The following NRXN3 variants were observed in gnomAD, a reference collection of about 807,000 sequenced individuals.
NRXN3 encodes the protein neurexin 3, also known as neurexin III.
Under a neutral mutation model 137.6 loss-of-function variants are expected in NRXN3, and 32 were observed. The observed-to-expected ratio is 0.23, with a 90% CI of 0.18 to 0.31. NRXN3 has a LOEUF of 0.31. Among genes scored for constraint, NRXN3 ranks in the 10% least tolerant of loss-of-function variants. The pLI is 1.00. For synonymous variants in NRXN3, 798 were observed against 784.5 expected, an observed-to-expected ratio of 1.02 and a Z score of -0.29; for missense variants, 1,574 against 2,062.5, an observed-to-expected ratio of 0.76 and a Z score of 4.59.
At chr14:78,602,641 C>A (rs2097211554) in intron 4 of NRXN3, among the ~76,000 whole-genome samples, 1 of 152,154 alleles carries the variant, frequency 6.6e-6, no homozygotes, top group Non-Finnish European at 1.5e-5. Flanking sequence ...CTGGTCTGGG[C>A]ATAATGGTCT....
In NRXN3 at chr14:78,757,409, TAAAA is replaced by T. The variant is rs59969129; in HGVS notation, c.2044+42280_2044+42283del. ...GGCGACAGAGAGAGATTCCATCTCTTAAAAAAAAAAAAAGGATTCTGCATGACAA... is the reference window on the plus strand; with the variant it reads ...GGCGACAGAGAGAGATTCCATCTCTTAAAAAAAAAGGATTCTGCATGACAA... On this transcript the variant is annotated intron_variant, in intron 8 of 20. Coordinates refer to ENST00000335750, the MANE Select transcript of NRXN3 (RefSeq NM_001330195.2). 6.5e-5 allele frequency among the ~76,000 whole-genome samples: 9 copies of T among 138,582 alleles called. No individual in the cohort carries two copies. The South Asian group carries it at 1.6e-3, about 25-fold the overall frequency. 90.9% of individuals were successfully genotyped at this position (138,582 alleles called of 152,430 possible).
chr14:78,793,787 A>G (rs1466926129), intron 8 of NRXN3, among the ~76,000 whole-genome samples: 3 of 152,144 alleles, frequency 2.0e-5, no homozygotes, highest in East Asian at 3.9e-4. Flanking sequence ...AGCATGAACT[A>G]TCTAGACCAA....
At chr14:78,653,334 T>TA (rs2097761208) in intron 6 of NRXN3, among the ~76,000 whole-genome samples, 1 of 152,162 alleles carries the variant, frequency 6.6e-6, no homozygotes, top group Non-Finnish European at 1.5e-5. Context: ...TAAACACTGT[T>TA]AAATCACACT....
At chr14:78,255,283 A>G (rs550611785) in intron 2 of NRXN3, among the ~76,000 whole-genome samples, 18 of 152,046 alleles carry the variant, frequency 1.2e-4, no homozygotes, top group Admixed American at 3.3e-4. Flanking sequence ...AAATGGAATG[A>G]GAGTCACCAA....
intron 6 of NRXN3, among the ~76,000 whole-genome samples, chr14:78,678,429 A>G (rs930276482): frequency 2.0e-5 from 3 of 151,480 alleles, no homozygotes; most frequent in Non-Finnish European, 4.4e-5. Context: ...AGCTAAAATT[A>G]TCTCCCACCA....
At chr14:78,967,106 A>G in intron 12 of NRXN3, 102 bp from the exon 13 acceptor site, 1 of 913,518 alleles carries the variant, frequency 1.1e-6, no homozygotes, top group Middle Eastern at 3.3e-4. Flanking sequence ...ATGCCAGTTT[A>G]GCATGGGGGA....
At chr14:79,092,071 T>A (rs1388429714) in intron 15 of NRXN3, among the ~76,000 whole-genome samples, 1 of 152,178 alleles carries the variant, frequency 6.6e-6, no homozygotes, top group Non-Finnish European at 1.5e-5. Context: ...ATTTTCTCTA[T>A]CTTAAGGTTG....
intron 15 of NRXN3, among the ~76,000 whole-genome samples, chr14:79,381,779 G>C (rs192581308): frequency 1.8e-4 from 28 of 152,236 alleles, no homozygotes; most frequent in Admixed American, 7.9e-4. Flanking sequence ...AATGAGGCAC[G>C]ATTCCATGAA....
At chr14:79,211,691 G>A (rs1045139255) in intron 15 of NRXN3, among the ~76,000 whole-genome samples, 5 of 152,060 alleles carry the variant, frequency 3.3e-5, no homozygotes, top group African/African-American at 1.2e-4. Flanking sequence ...CAATAATTGA[G>A]ACTTAATGTT....
chr14:78,905,376 C>T (rs1353806066), intron 10 of NRXN3, among the ~76,000 whole-genome samples: 1 of 152,106 alleles, frequency 6.6e-6, no homozygotes, highest in Non-Finnish European at 1.5e-5. Context: ...TAGGAACATA[C>T]TTTGTCATCC....
chr14:78,888,848 TAC>T (rs59053009), intron 10 of NRXN3, among the ~76,000 whole-genome samples: 38,814 of 145,950 alleles, frequency 0.27, 6,154 homozygotes, highest in African/African-American at 0.46. Context: ...ATCACACACA[TAC>T]ACACACACAC....
chr14:78,529,483 C>A (rs1162674540), intron 4 of NRXN3, among the ~76,000 whole-genome samples: 1 of 152,118 alleles, frequency 6.6e-6, no homozygotes, highest in Non-Finnish European at 1.5e-5. Context: ...CTCGGACACC[C>A]TTTTGATTTC....
At chr14:79,402,435 A>G (rs931983451) in intron 15 of NRXN3, among the ~76,000 whole-genome samples, 1 of 152,206 alleles carries the variant, frequency 6.6e-6, no homozygotes, top group Non-Finnish European at 1.5e-5. Context: ...AAATCACATA[A>G]TTGGGGACAA....
chr14:79,462,890 G>GTA (rs568540345), intron 15 of NRXN3, among the ~76,000 whole-genome samples: 6 of 22,814 alleles, frequency 2.6e-4, no homozygotes, highest in Admixed American at 1.2e-3. Flanking sequence ...ATACACATAT[G>GTA]TATGTATATG....
chr14:78,237,418 T>G (rs1335982349), intron 1 of NRXN3, among the ~76,000 whole-genome samples: 1 of 152,232 alleles, frequency 6.6e-6, no homozygotes, highest in African/African-American at 2.4e-5. Context: ...TATCTATTTC[T>G]TGGCTCTGAT....
At chr14:79,728,939 C>G (rs945181805) in intron 19 of NRXN3, among the ~76,000 whole-genome samples, 3 of 152,120 alleles carry the variant, frequency 2.0e-5, no homozygotes, top group African/African-American at 7.2e-5. Flanking sequence ...TGATTGAACA[C>G]CTACTATGTG....
At chr14:79,472,755 G>C (rs964297743) in intron 16 of NRXN3, among the ~76,000 whole-genome samples, 1 of 151,992 alleles carries the variant, frequency 6.6e-6, no homozygotes, top group Non-Finnish European at 1.5e-5. Context: ...TTTAAGGAGC[G>C]GTGTCATGTT....
chr14:79,767,898 C>T (rs956070450), intron 19 of NRXN3, among the ~76,000 whole-genome samples: 4 of 152,184 alleles, frequency 2.6e-5, no homozygotes, highest in South Asian at 2.1e-4. Flanking sequence ...ACAGTGGGCG[C>T]AGGTCACTGG....
At chr14:78,187,632 G>T (rs956477998) in intron 1 of NRXN3, among the ~76,000 whole-genome samples, 2 of 152,182 alleles carry the variant, frequency 1.3e-5, no homozygotes, top group Admixed American at 1.3e-4. Flanking sequence ...CTAATAGGAA[G>T]TCTTCGCTTC....
Sources: allele counts gnomAD v4.1 joint callset (sites outside exome capture counted in the v4.1 genomes callset), GRCh38; gene constraint gnomAD v4.1.1; transcripts MANE v1.5; gene names NCBI Gene and HGNC (gene_info 2026-07-23, HGNC 2026-07-21).